FA2H: variants seen among roughly 807,000 people sequenced by gnomAD.
FA2H encodes fatty acid 2-hydroxylase.
Under a neutral mutation model 44.9 loss-of-function variants are expected in FA2H, and 22 were observed. The ratio of observed to expected loss-of-function variants is 0.49; its 90% CI spans 0.35 to 0.70. The LOEUF is 0.70. Ranked by LOEUF, FA2H falls within the 30% of genes least tolerant of loss-of-function variation. The pLI is 0.01. For synonymous variants in FA2H, 243 were observed against 213.2 expected, an observed-to-expected ratio of 1.14 and a Z score of -1.22; for missense variants, 501 against 504.9, an observed-to-expected ratio of 0.99 and a Z score of 0.07.
rs1400296298 is a variant in FA2H, at chr16:74,741,795, T to C, written c.271-1680A>G. ...TTAAATATATATATATATATATATA[T>C]ATATATATATATATGTGTGTGTGTG... On this transcript the variant is annotated intron_variant, in intron 1 of 6. Transcript: ENST00000219368. 6.5e-4 allele frequency among the ~76,000 whole-genome samples: 52 copies of C among 80,148 alleles called. 2 individuals carry two copies. The highest frequency in any genetic ancestry group is 4.5e-3 in the Middle Eastern group (1 of 222). The allele number at this position is 80,148 out of a possible 152,430, so 52.6% of individuals were successfully genotyped here.
intron 1 of FA2H, chr16:74,741,263 G>A (rs914738505): frequency 2.6e-5 from 4 of 152,240 alleles, no homozygotes; most frequent in African/African-American, 9.6e-5. Flanking sequence ...GCTGGAAGCT[G>A]GGCATTGGCC....
intron 1 of FA2H, among the ~76,000 whole-genome samples, chr16:74,748,304 C>A (rs1177545824): frequency 6.6e-6 from 1 of 152,342 alleles, no homozygotes; most frequent in East Asian, 1.9e-4. Context: ...TCCCCCACCC[C>A]CCACGTGGCA....
At chr16:74,747,942 G>C (rs1390676779) in intron 1 of FA2H, among the ~76,000 whole-genome samples, 4 of 152,128 alleles carry the variant, frequency 2.6e-5, no homozygotes, top group African/African-American at 9.7e-5. Flanking sequence ...AACCAGAAGA[G>C]GGGACAACCG....
At chr16:74,734,089 G>C (rs570609634) in intron 2 of FA2H, among the ~76,000 whole-genome samples, 1 of 152,176 alleles carries the variant, frequency 6.6e-6, no homozygotes, top group African/African-American at 2.4e-5. Context: ...TTCCTGGTCC[G>C]GGCCCCATTT....
At chr16:74,734,756 G>T (rs967267785) in intron 2 of FA2H, among the ~76,000 whole-genome samples, 3 of 152,220 alleles carry the variant, frequency 2.0e-5, no homozygotes, top group Non-Finnish European at 4.4e-5. Flanking sequence ...GGGGAAGGGT[G>T]TGCCCAGAAT....
At chr16:74,728,780 C>CTTTTTTT (rs935652907) in intron 2 of FA2H, among the ~76,000 whole-genome samples, 34 of 113,958 alleles carry the variant, frequency 3.0e-4, no homozygotes, top group East Asian at 6.7e-4. Flanking sequence ...TTATCTCTTT[C>CTTTTTTT]TTTTTTTTTT....
intron 4 of FA2H, among the ~76,000 whole-genome samples, chr16:74,720,701 C>T (rs1415378799): frequency 2.0e-5 from 3 of 152,124 alleles, no homozygotes; most frequent in Non-Finnish European, 2.9e-5. Flanking sequence ...ATCACTTCCC[C>T]GCCAAGCCCC....
chr16:74,719,413 C>G (rs1961780580), intron 4 of FA2H, among the ~76,000 whole-genome samples: 1 of 152,176 alleles, frequency 6.6e-6, no homozygotes, highest in Admixed American at 6.5e-5. Flanking sequence ...CTTACAGAGG[C>G]TGTGGGAGGA....
At chr16:74,760,201 A>G (rs1331760049) in intron 1 of FA2H, among the ~76,000 whole-genome samples, 1 of 152,118 alleles carries the variant, frequency 6.6e-6, no homozygotes, top group Non-Finnish European at 1.5e-5. Context: ...GCCACACACC[A>G]GTGACCTCCG....
intron 4 of FA2H, among the ~76,000 whole-genome samples, chr16:74,721,473 G>A (rs558665710): frequency 3.2e-4 from 49 of 152,170 alleles, no homozygotes; most frequent in Non-Finnish European, 4.3e-4. Context: ...TGGCCTAGCC[G>A]TTCTCTTTTA....
chr16:74,761,373 G>C (rs1962705452), intron 1 of FA2H, among the ~76,000 whole-genome samples: 1 of 151,668 alleles, frequency 6.6e-6, no homozygotes, highest in African/African-American at 2.4e-5. Flanking sequence ...GAATCGCTTG[G>C]ATCAGGGAGG....
intron 1 of FA2H, among the ~76,000 whole-genome samples, chr16:74,749,088 G>C (rs1404121785): frequency 1.3e-5 from 2 of 152,320 alleles, no homozygotes; most frequent in South Asian, 2.1e-4. Context: ...TCTGCAGCAA[G>C]AGCCTTTCTT....
At chr16:74,733,976 C>G (rs1165623688) in intron 2 of FA2H, among the ~76,000 whole-genome samples, 1 of 152,186 alleles carries the variant, frequency 6.6e-6, no homozygotes, top group Non-Finnish European at 1.5e-5. Context: ...AGGGAAGGCC[C>G]CCTTCTACCT....
chr16:74,733,824 C>T (rs538249341), intron 2 of FA2H, among the ~76,000 whole-genome samples: 8 of 152,310 alleles, frequency 5.3e-5, no homozygotes, highest in East Asian at 3.9e-4. Flanking sequence ...GCAGCTGCCC[C>T]GTCCCCCGCC....
chr16:74,734,925 G>C (rs1962151295), intron 2 of FA2H, among the ~76,000 whole-genome samples: 1 of 152,254 alleles, frequency 6.6e-6, no homozygotes, highest in Admixed American at 6.5e-5. Context: ...CCCCAGGGCA[G>C]CTTTCTGAGC....
At position 74,736,726 on chromosome 16, in the gene FA2H, G is replaced by A. The variant is rs1320410766; in HGVS notation, c.363+3297C>T. Among the ~76,000 whole-genome samples the A allele has an allele frequency of 3.9e-5, 6 of 152,286 alleles. No homozygotes were observed. In the East Asian group the frequency reaches 1.2e-3, roughly 29 times the overall value. On this transcript the variant is annotated intron_variant, in intron 2 of 6. Coordinates refer to ENST00000219368, the MANE Select transcript of FA2H (RefSeq NM_024306.5). Reference sequence around the variant, plus strand: ...GAAGGATGGGGAAGAGGATGTGGCTGGCTTGGGAGACACTGCTGGTATCTG... The same window carrying A: ...GAAGGATGGGGAAGAGGATGTGGCTAGCTTGGGAGACACTGCTGGTATCTG...
chr16:74,770,998 G>A (rs1962895481), intron 1 of FA2H, among the ~76,000 whole-genome samples: 1 of 152,132 alleles, frequency 6.6e-6, no homozygotes, highest in South Asian at 2.1e-4. Flanking sequence ...AGAGCTGGGA[G>A]GTGGGACCAT....
At chr16:74,738,691 A>AG (rs2144632224) in intron 2 of FA2H, among the ~76,000 whole-genome samples, 1 of 152,186 alleles carries the variant, frequency 6.6e-6, no homozygotes, top group East Asian at 1.9e-4. Flanking sequence ...GACACACTGT[A>AG]GCTCACCCTT....
chr16:74,727,343 T>C lies in FA2H; in HGVS notation c.407A>G (p.His136Arg). 6.2e-6 allele frequency: 10 copies of C among 1,614,078 alleles called. No individual in the cohort carries two copies. The highest frequency in any genetic ancestry group is 1.7e-5 in the Admixed American group (1 of 60,030). Residue 136 changes from histidine (H) to arginine (R), a missense_variant, in exon 3 of 7, where the codon CAC (histidine) becomes CGC (arginine). By Grantham distance (29) the His-to-Arg change is conservative. Coordinates refer to ENST00000219368, the MANE Select transcript of FA2H (RefSeq NM_024306.5). ...WRKPLLWQVG[H>R]LGEKYDEWVH... ...CCACTCATCGTACTTCTCTCCCAAG[T>C]GGCCCACCTGCCACAGGAGAGGCTT...
Sources: allele counts gnomAD v4.1 joint callset (sites outside exome capture counted in the v4.1 genomes callset), GRCh38; gene constraint gnomAD v4.1.1; transcripts MANE v1.5; gene names NCBI Gene and HGNC (gene_info 2026-07-23, HGNC 2026-07-21).